Variants in BMAL2 observed in about 807,000 individuals in gnomAD.
The protein encoded by BMAL2 is basic helix-loop-helix ARNT like 2.
At chr12:27,357,212 A>G in the BMAL2 span, among the ~76,000 whole-genome samples, 889 of 152,264 alleles carry the variant, frequency 5.8e-3, 2 homozygotes, top group Non-Finnish European at 9.9e-3. Flanking sequence ...TGCTGTAAAC[A>G]TGCATGTGCA....
At chr12:27,406,880 A>G in the BMAL2 span, among the ~76,000 whole-genome samples, 2 of 152,230 alleles carry the variant, frequency 1.3e-5, no homozygotes, top group Non-Finnish European at 1.5e-5. Flanking sequence ...TAGGCTCACA[A>G]TAAAGGGATG....
chr12:27,416,246 C>T, the BMAL2 span, among the ~76,000 whole-genome samples: 105,055 of 151,622 alleles, frequency 0.69, 36,971 homozygotes, highest in Middle Eastern at 0.88. Flanking sequence ...TCACTGATTT[C>T]GAGGATTGTG....
the BMAL2 span, among the ~76,000 whole-genome samples, chr12:27,408,712 C>T: frequency 6.6e-6 from 1 of 152,180 alleles, no homozygotes; most frequent in Non-Finnish European, 1.5e-5. Flanking sequence ...CTCACCACTC[C>T]TATACAACAT....
chr12:27,378,567 G>A, the BMAL2 span, among the ~76,000 whole-genome samples: 621 of 152,266 alleles, frequency 4.1e-3, 3 homozygotes, highest in South Asian at 0.023. Context: ...TGGAGCTGTC[G>A]GGGAAAGTCT....
the BMAL2 span, chr12:27,415,756 C>T: frequency 1.4e-6 from 1 of 722,578 alleles, no homozygotes; most frequent in Non-Finnish European, 2.3e-6. Flanking sequence ...CTATGATACT[C>T]AGTTTCAAGT....
chr12:27,363,876 A>G, the BMAL2 span, among the ~76,000 whole-genome samples: 2 of 152,144 alleles, frequency 1.3e-5, no homozygotes, highest in African/African-American at 4.8e-5. Context: ...ATTTCTTTCT[A>G]TGAAATAAAA....
the BMAL2 span, among the ~76,000 whole-genome samples, chr12:27,366,152 A>C: frequency 6.6e-6 from 1 of 152,120 alleles, no homozygotes; most frequent in Non-Finnish European, 1.5e-5. Flanking sequence ...ACACAATTAC[A>C]CTGAAGTCAG....
At chr12:27,408,109 C>T in the BMAL2 span, among the ~76,000 whole-genome samples, 1 of 151,992 alleles carries the variant, frequency 6.6e-6, no homozygotes, top group African/African-American at 2.4e-5. Flanking sequence ...TAATAGCTTA[C>T]CAACCAAAAA....
At chr12:27,394,791 A>T in the BMAL2 span, among the ~76,000 whole-genome samples, 7 of 152,222 alleles carry the variant, frequency 4.6e-5, no homozygotes, top group African/African-American at 1.2e-4. Context: ...GGATGAGGTC[A>T]TGAGGATGAG....
At chr12:27,333,501 G>A in the BMAL2 span, among the ~76,000 whole-genome samples, 1 of 152,262 alleles carries the variant, frequency 6.6e-6, no homozygotes, top group African/African-American at 2.4e-5. Flanking sequence ...ACTGCTGCGG[G>A]GACTTCCTAT....
the BMAL2 span, chr12:27,385,381 C>A: frequency 3.0e-6 from 2 of 656,384 alleles, no homozygotes; most frequent in South Asian, 2.0e-5. Flanking sequence ...TTAGAATGTG[C>A]CAAAGAGCAA....
At chr12:27,395,416 G>A in the BMAL2 span, among the ~76,000 whole-genome samples, 140 of 152,240 alleles carry the variant, frequency 9.2e-4, no homozygotes, top group Non-Finnish European at 1.7e-3. Flanking sequence ...CTAATAATCT[G>A]CGGACTTTTA....
At chr12:27,343,207 CTG>C in the BMAL2 span, among the ~76,000 whole-genome samples, 1 of 152,320 alleles carries the variant, frequency 6.6e-6, no homozygotes, top group African/African-American at 2.4e-5. Context: ...TGTTTAAACA[CTG>C]TATTTAACAT....
the BMAL2 span, among the ~76,000 whole-genome samples, chr12:27,417,420 C>T: frequency 6.6e-6 from 1 of 152,188 alleles, no homozygotes; most frequent in African/African-American, 2.4e-5. Flanking sequence ...TCATCCAAAA[C>T]TTTTCCTTAC....
At chr12:27,395,403 C>T in the BMAL2 span, among the ~76,000 whole-genome samples, 1 of 152,118 alleles carries the variant, frequency 6.6e-6, no homozygotes, top group Non-Finnish European at 1.5e-5. Flanking sequence ...TAATCTTGGA[C>T]GTCTAATAAT....
chr12:27,420,045 A>ACACACACG, the BMAL2 span, among the ~76,000 whole-genome samples: 1 of 151,742 alleles, frequency 6.6e-6, no homozygotes, highest in Admixed American at 6.6e-5. Flanking sequence ...ACACACACAC[A>ACACACACG]CACAAACATA....
chr12:27,345,867 A>G, the BMAL2 span, among the ~76,000 whole-genome samples: 1 of 152,202 alleles, frequency 6.6e-6, no homozygotes, highest in Non-Finnish European at 1.5e-5. Flanking sequence ...AAAACCAGGT[A>G]TGTTTTTAGG....
chr12:27,406,658 T>C, the BMAL2 span, among the ~76,000 whole-genome samples: 17 of 152,060 alleles, frequency 1.1e-4, no homozygotes, highest in South Asian at 6.2e-4. Context: ...TTGTAAACCA[T>C]TGAGGCTAGG....
the BMAL2 span, chr12:27,402,774 G>T: frequency 8.5e-7 from 1 of 1,175,508 alleles, no homozygotes. Context: ...AAATTTGAAG[G>T]TGAAATTAAA....
Sources: allele counts gnomAD v4.1 joint callset (sites outside exome capture counted in the v4.1 genomes callset), GRCh38; gene constraint gnomAD v4.1.1; transcripts MANE v1.5; gene names NCBI Gene and HGNC (gene_info 2026-07-23, HGNC 2026-07-21).